KAZN: variants seen among roughly 807,000 people sequenced by gnomAD.
KAZN encodes kazrin.
KAZN carries 40 observed loss-of-function variants against 87.4 expected under a neutral mutation model. The observed-to-expected ratio is 0.46, with a 90% CI of 0.36 to 0.60. The LOEUF is 0.60. Among genes scored for constraint, KAZN ranks in the 20% least tolerant of loss-of-function variants. KAZN has a pLI of 0.00. For synonymous variants in KAZN, 466 were observed against 458.3 expected (o/e 1.02, Z -0.22); for missense variants, 898 against 1,073.9 (o/e 0.84, Z 2.29).
intron 2 of KAZN, among the ~76,000 whole-genome samples, chr1:14,251,704 A>G (rs1650059263): frequency 1.5e-5 from 2 of 136,762 alleles, no homozygotes; most frequent in South Asian, 4.7e-4. Context: ...GGCTAAGTGC[A>G]GTGGCATGAT....
Position 14,338,166 on chromosome 1 carries a change from C to T in KAZN, c.249+157574C>T, listed in dbSNP as rs187498931. On this transcript the variant is annotated intron_variant, in intron 2 of 16. Transcript: ENST00000636203. ...GATGGTTTTAGGAATGACATTGACC[C>T]CCTTCTGGTTAAGAACATGTGAACA... Among the ~76,000 whole-genome samples, 460 of 152,072 alleles carry T rather than the reference C, an allele frequency of 3.0e-3. 1 individual carries two copies. The highest frequency in any genetic ancestry group is 0.01 in the African/African-American group (431 of 41,488).
Position 13,965,400 on chromosome 1 carries a change from G to A in KAZN, c.91+71644G>A, listed in dbSNP as rs191450896. ...CTTGAATAAGATGCTGATGCCAAGT[G>A]TATAGCTCGGTGCTCAGGATATGAC... On this transcript the variant is annotated intron_variant, in intron 1 of 16. Coordinates refer to the KAZN transcript ENST00000636203. Among the ~76,000 whole-genome samples the A allele has an allele frequency of 2.0e-3, 302 of 152,232 alleles. 1 individual carries two copies. Among genetic ancestry groups the A allele is most frequent in the Non-Finnish European group, 2.7e-3 (184 of 67,998 alleles).
chr1:13,949,255 T>C (rs557644347), intron 1 of KAZN, among the ~76,000 whole-genome samples: 4 of 152,306 alleles, frequency 2.6e-5, no homozygotes, highest in East Asian at 1.9e-4. Context: ...AAACATCTGC[T>C]GGCACAAAGT....
chr1:14,308,960 A>G lies in KAZN; in HGVS notation c.249+128368A>G, dbSNP rs1014874957. Among the ~76,000 whole-genome samples, 7 of 152,212 alleles carry G rather than the reference A, an allele frequency of 4.6e-5. No homozygotes were observed. The South Asian group carries it at 1.4e-3, about 32-fold the overall frequency. On this transcript the variant is annotated intron_variant, in intron 2 of 16. Transcript: ENST00000636203. The stretch of plus-strand genomic sequence containing the variant: ...ATACATGCAGTCCTCAAAGGGCACG[A>G]ATGTGTTTAACAAGAATTAATGAAA...
At chr1:14,113,507 A>G (rs905651901) in intron 1 of KAZN, among the ~76,000 whole-genome samples, 1 of 152,208 alleles carries the variant, frequency 6.6e-6, no homozygotes. Flanking sequence ...GACGTCATTT[A>G]TTACGTCCTT....
chr1:14,347,216 G>A (rs538115469), intron 2 of KAZN, among the ~76,000 whole-genome samples: 5 of 152,306 alleles, frequency 3.3e-5, no homozygotes, highest in South Asian at 2.1e-4. Context: ...GGGCTATCAC[G>A]TAGATTGTTC....
rs114507719 is a variant in KAZN at position 13,904,273 on chromosome 1, A to G, written c.91+10517A>G. On this transcript the variant is annotated intron_variant, in intron 1 of 16. Transcript: ENST00000636203. The stretch of plus-strand genomic sequence containing the variant: ...CCACTTCTAAGACAGGTGAAAAGGA[A>G]TAGTATCTCAGGAAGGGAACCCCTC... 5.1e-3 allele frequency among the ~76,000 whole-genome samples: 769 copies of G among 152,206 alleles called. 6 individuals carry two copies. The highest frequency in any genetic ancestry group is 8.0e-3 in the Non-Finnish European group (544 of 68,002).
intron 2 of KAZN, among the ~76,000 whole-genome samples, chr1:14,212,155 T>G (rs1372670637): frequency 1.3e-5 from 2 of 152,210 alleles, no homozygotes; most frequent in Admixed American, 6.5e-5. Context: ...CCCCTTCTTT[T>G]AAAGCCAAAA....
At chr1:14,405,128 A>T (rs1247053713) in intron 2 of KAZN, among the ~76,000 whole-genome samples, 1 of 152,168 alleles carries the variant, frequency 6.6e-6, no homozygotes, top group East Asian at 1.9e-4. Context: ...TCAACTCAGA[A>T]CTTTGCATAC....
At chr1:14,783,410 C>T (rs931718296) in intron 1 of KAZN, among the ~76,000 whole-genome samples, 3 of 152,088 alleles carry the variant, frequency 2.0e-5, no homozygotes, top group Non-Finnish European at 2.9e-5. Context: ...CTGTCCTTCA[C>T]GGTGACCCCG....
At chr1:15,037,558 G>C (rs1004246789) in intron 3 of KAZN, among the ~76,000 whole-genome samples, 13 of 152,156 alleles carry the variant, frequency 8.5e-5, no homozygotes, top group Non-Finnish European at 1.5e-4. Context: ...TGGAAAGCAA[G>C]GGGGGTAGGG....
At chr1:14,546,132 A>T (rs559356666) in intron 2 of KAZN, among the ~76,000 whole-genome samples, 2 of 152,314 alleles carry the variant, frequency 1.3e-5, no homozygotes, top group East Asian at 3.9e-4. Context: ...TGTGATTGAA[A>T]TCAGTTCTCT....
intron 2 of KAZN, among the ~76,000 whole-genome samples, chr1:14,414,323 C>T (rs1320539593): frequency 7.0e-6 from 1 of 142,626 alleles, no homozygotes; most frequent in African/African-American, 2.6e-5. Flanking sequence ...AGAGTATTTA[C>T]TGCAGCACTA....
intron 1 of KAZN, among the ~76,000 whole-genome samples, chr1:14,839,109 T>G (rs978247093): frequency 1.4e-4 from 22 of 152,218 alleles, no homozygotes; most frequent in Admixed American, 9.2e-4. Flanking sequence ...CTGCCCTGCC[T>G]GTCCTGCCAC....
rs539311172 is a variant in KAZN, at chr1:14,990,326, A to C, written c.418+29451A>C. On this transcript the variant is annotated intron_variant, in intron 2 of 14. Transcript: ENST00000376030. ...CAACCTCCACCTCCCAGGCTCAAGC[A>C]GTTCTCCCACCTCAGCCTCCCGAGT... Among the ~76,000 whole-genome samples, 204 of 152,260 alleles carry C rather than the reference A, an allele frequency of 1.3e-3. 2 individuals carry two copies. Among genetic ancestry groups the C allele is most frequent in the African/African-American group, 4.7e-3 (194 of 41,568 alleles).
chr1:14,799,855 C>G (rs1645952280), intron 1 of KAZN, among the ~76,000 whole-genome samples: 1 of 152,146 alleles, frequency 6.6e-6, no homozygotes, highest in Admixed American at 6.5e-5. Flanking sequence ...GCCTTGGAGA[C>G]CCCCATCAGA....
At chr1:14,905,968 G>A (rs1366723833) in intron 1 of KAZN, among the ~76,000 whole-genome samples, 12 of 143,144 alleles carry the variant, frequency 8.4e-5, no homozygotes, top group East Asian at 4.2e-4. Context: ...GGAGATCGAG[G>A]CCATCCTGGC....
chr1:13,916,181 C>A (rs542374419), intron 1 of KAZN, among the ~76,000 whole-genome samples: 1 of 152,086 alleles, frequency 6.6e-6, no homozygotes, highest in Admixed American at 6.6e-5. Context: ...GCTCACCTAC[C>A]CTGATGGGAG....
intron 2 of KAZN, among the ~76,000 whole-genome samples, chr1:14,406,954 G>A (rs566893654): frequency 9.9e-5 from 15 of 152,190 alleles, no homozygotes; most frequent in Non-Finnish European, 1.6e-4. Flanking sequence ...CAGAAGAGCT[G>A]AGACTTAGCA....
Sources: allele counts gnomAD v4.1 joint callset (sites outside exome capture counted in the v4.1 genomes callset), GRCh38; gene constraint gnomAD v4.1.1; transcripts MANE v1.5; gene names NCBI Gene and HGNC (gene_info 2026-07-23, HGNC 2026-07-21).